The following KHDRBS3 variants were observed in gnomAD, a reference collection of about 807,000 sequenced individuals.
KHDRBS3 encodes the protein KH domain-containing, RNA-binding, signal transduction-associated protein 3.
In KHDRBS3, 23 loss-of-function variants were observed where a neutral mutation model predicts 45.6. That is an observed-to-expected ratio of 0.50 (90% CI 0.36 to 0.72). The LOEUF (loss-of-function observed/expected upper bound fraction) is 0.72. KHDRBS3 is among the 30% of genes least tolerant of loss of function. The pLI is 0.00. For missense variants in KHDRBS3, 352 were observed against 424.8 expected (o/e 0.83, Z 1.51); for synonymous variants, 162 against 156.5 (o/e 1.04, Z -0.26).
chr8:135,643,084 C>T (rs1287974486), intron 7 of KHDRBS3, among the ~76,000 whole-genome samples: 4 of 152,114 alleles, frequency 2.6e-5, no homozygotes, highest in African/African-American at 4.8e-5. Flanking sequence ...TGAGCCACCG[C>T]GCCTGGCCTG....
intron 5 of KHDRBS3, among the ~76,000 whole-genome samples, chr8:135,566,437 A>G (rs962193063): frequency 1.3e-5 from 2 of 152,234 alleles, no homozygotes; most frequent in African/African-American, 4.8e-5. Flanking sequence ...TCATAATTCA[A>G]TCAAACACGG....
intron 7 of KHDRBS3, among the ~76,000 whole-genome samples, chr8:135,633,911 T>A (rs539372079): frequency 6.6e-6 from 1 of 152,296 alleles, no homozygotes; most frequent in Admixed American, 6.5e-5. Context: ...GACATTAGAG[T>A]TCACTCTTGG....
intron 1 of KHDRBS3, among the ~76,000 whole-genome samples, chr8:135,480,188 A>G (rs568639497): frequency 1.3e-5 from 2 of 152,336 alleles, no homozygotes; most frequent in Non-Finnish European, 2.9e-5. Flanking sequence ...ACAATATATG[A>G]AAACCCACAG....
intron 7 of KHDRBS3, among the ~76,000 whole-genome samples, chr8:135,609,144 C>G (rs1829598994): frequency 6.6e-6 from 1 of 152,086 alleles, no homozygotes; most frequent in South Asian, 2.1e-4. Flanking sequence ...AACCTTAGCC[C>G]TCTGTAACTT....
At chr8:135,623,860 A>G (rs1830252120) in intron 7 of KHDRBS3, among the ~76,000 whole-genome samples, 1 of 152,176 alleles carries the variant, frequency 6.6e-6, no homozygotes, top group South Asian at 2.1e-4. Context: ...TTCTACACAC[A>G]TTTTAGGACA....
At chr8:135,579,665 A>AC (rs1349826799) in intron 5 of KHDRBS3, among the ~76,000 whole-genome samples, 1 of 152,088 alleles carries the variant, frequency 6.6e-6, no homozygotes, top group Admixed American at 6.6e-5. Context: ...GAGGAAATTT[A>AC]CTGAAAGTTG....
At chr8:135,494,281 T>TTTA (rs1407804924) in intron 1 of KHDRBS3, among the ~76,000 whole-genome samples, 1 of 133,034 alleles carries the variant, frequency 7.5e-6, no homozygotes, top group African/African-American at 2.9e-5. Context: ...TTATTTTTTT[T>TTTA]TTTTTTTTTT....
At chr8:135,596,930 A>G (rs946871249) in intron 6 of KHDRBS3, among the ~76,000 whole-genome samples, 2 of 152,204 alleles carry the variant, frequency 1.3e-5, no homozygotes, top group Non-Finnish European at 2.9e-5. Flanking sequence ...CAGAGGTTCC[A>G]CATGGTCTCG....
chr8:135,543,788 A>G (rs538968667), intron 3 of KHDRBS3, among the ~76,000 whole-genome samples: 1 of 152,336 alleles, frequency 6.6e-6, no homozygotes, highest in South Asian at 2.1e-4. Context: ...CACAGTTAAT[A>G]AAACCATGGT....
At chr8:135,627,786 C>G (rs1830437638) in intron 7 of KHDRBS3, among the ~76,000 whole-genome samples, 1 of 152,192 alleles carries the variant, frequency 6.6e-6, no homozygotes, top group Non-Finnish European at 1.5e-5. Flanking sequence ...TATCTTACCT[C>G]TAGCCATCTC....
At chr8:135,542,930 T>TA (rs1459374507) in intron 3 of KHDRBS3, among the ~76,000 whole-genome samples, 160 bp downstream of exon 3, 1 of 152,230 alleles carries the variant, frequency 6.6e-6, no homozygotes, top group Admixed American at 6.5e-5. Context: ...TGTAGTAACT[T>TA]AAACCTGCAT....
intron 1 of KHDRBS3, among the ~76,000 whole-genome samples, chr8:135,510,107 G>A (rs945953204): frequency 6.6e-6 from 1 of 151,692 alleles, no homozygotes; most frequent in African/African-American, 2.4e-5. Flanking sequence ...AGCTTCCAGA[G>A]TAGCTGGGAC....
intron 2 of KHDRBS3, chr8:135,540,716 C>T (rs563687389): frequency 1.3e-5 from 2 of 152,316 alleles, no homozygotes; most frequent in African/African-American, 4.8e-5. Context: ...GGAAGTGCCT[C>T]GCCCAAGTGA....
intron 1 of KHDRBS3, among the ~76,000 whole-genome samples, chr8:135,466,094 G>A (rs890710114): frequency 3.3e-5 from 5 of 152,146 alleles, no homozygotes; most frequent in African/African-American, 1.2e-4. Flanking sequence ...CGCATTGGTA[G>A]CTATTTCTGA....
intron 7 of KHDRBS3, among the ~76,000 whole-genome samples, chr8:135,621,627 T>C (rs1357138158): frequency 6.6e-6 from 1 of 151,696 alleles, no homozygotes; most frequent in Non-Finnish European, 1.5e-5. Context: ...GTTTAGTGGG[T>C]AGATTCTAAA....
chr8:135,655,373 A>T (rs1225020105), intron 4 of KHDRBS3, among the ~76,000 whole-genome samples: 1 of 152,194 alleles, frequency 6.6e-6, no homozygotes, highest in Non-Finnish European at 1.5e-5. Flanking sequence ...ATAAAACCTG[A>T]ATGGAGTTTT....
At chr8:135,645,758 ATGGTAG>A (rs1221117371) in intron 8 of KHDRBS3, among the ~76,000 whole-genome samples, 2 of 152,200 alleles carry the variant, frequency 1.3e-5, no homozygotes, top group Non-Finnish European at 2.9e-5. Flanking sequence ...CAGCAACATA[ATGGTAG>A]TAAGAAGAGC....
At chr8:135,466,045 T>C (rs1360965187) in intron 1 of KHDRBS3, among the ~76,000 whole-genome samples, 1 of 152,224 alleles carries the variant, frequency 6.6e-6, no homozygotes, top group Non-Finnish European at 1.5e-5. Context: ...TTTCTTCCAC[T>C]AGATGGCGCT....
chr8:135,508,334 A>G (rs1824111526), intron 1 of KHDRBS3, among the ~76,000 whole-genome samples: 1 of 152,200 alleles, frequency 6.6e-6, no homozygotes, highest in South Asian at 2.1e-4. Flanking sequence ...TCAAAGTGTG[A>G]TAATGCCAGC....
Sources: allele counts gnomAD v4.1 joint callset (sites outside exome capture counted in the v4.1 genomes callset), GRCh38; gene constraint gnomAD v4.1.1; transcripts MANE v1.5; gene names NCBI Gene and HGNC (gene_info 2026-07-23, HGNC 2026-07-21).